Variants in HEXD observed in about 807,000 individuals in gnomAD.
HEXD encodes N-acetyl-beta-galactosaminidase.
In HEXD, 47 loss-of-function variants were observed where a neutral mutation model predicts 54.2. The observed-to-expected ratio is 0.87, with a 90% CI of 0.69 to 1.11. HEXD has a LOEUF of 1.11. Ranked by LOEUF, HEXD falls within the 50% of genes least tolerant of loss-of-function variation. HEXD has a pLI of 0.00. For missense variants in HEXD, 576 were observed against 649.2 expected, an observed-to-expected ratio of 0.89 and a Z score of 1.23; for synonymous variants, 293 against 287.6, an observed-to-expected ratio of 1.02 and a Z score of -0.19.
chr17:82,440,971 A>G, intron 9 of HEXD, 26 bp from the exon 10 acceptor site: 3 of 1,612,492 alleles, frequency 1.9e-6, no homozygotes, highest in Non-Finnish European at 2.5e-6. Flanking sequence ...GGCCCCTCCA[A>G]CCGCCCCGCT....
chr17:82,436,898 C>A, intron 7 of HEXD, 160 bp downstream of exon 7: 2 of 673,656 alleles, frequency 3.0e-6, no homozygotes, highest in Admixed American at 2.8e-5. Context: ...TGCCTCGGGA[C>A]GGCCACCGTG....
Position 82,442,112 on chromosome 17 carries a change from G to T in HEXD, c.1254-65G>T. The stretch of plus-strand genomic sequence containing the variant: ...GTGAACTGAGGCACAGGGCAGTACT[G>T]ACCATGGGGCTGAGGGCAAGTCCCA... On this transcript the variant is annotated intron_variant, in intron 12 of 12. Coordinates refer to ENST00000327949, the MANE Select transcript of HEXD (RefSeq NM_001330542.2). The surrounding 1 kb of genome is among the most constrained non-coding windows in gnomAD (Gnocchi z 6.8). 6.5e-7 allele frequency: 1 copy of T among 1,547,754 alleles called. No homozygotes were observed. Among genetic ancestry groups the T allele is most frequent in the South Asian group, 1.2e-5 (1 of 85,370 alleles).
intron 11 of HEXD, among the ~76,000 whole-genome samples, 194 bp downstream of exon 11, chr17:82,441,460 C>T (rs1008207193): frequency 3.0e-5 from 2 of 67,076 alleles, no homozygotes; most frequent in Admixed American, 1.6e-4. Flanking sequence ...CAGGTGTGAG[C>T]GTGCAGGTGT....
chr17:82,425,293 CT>C (rs963235248), intron 3 of HEXD, among the ~76,000 whole-genome samples: 1 of 146,072 alleles, frequency 6.8e-6, no homozygotes, highest in Non-Finnish European at 1.5e-5. Flanking sequence ...TTAGAGAAGG[CT>C]AGATAAGGTT....
chr17:82,441,115 C>A (rs1567898140), intron 10 of HEXD, 40 bp downstream of exon 10: 18 of 1,613,558 alleles, frequency 1.1e-5, no homozygotes, highest in Non-Finnish European at 1.4e-5. Flanking sequence ...TTCTTCCCCT[C>A]CCCTTCCCCC....
At chr17:82,428,949 A>G (rs1219363055) in intron 4 of HEXD, among the ~76,000 whole-genome samples, 1 of 152,110 alleles carries the variant, frequency 6.6e-6, no homozygotes, top group African/African-American at 2.4e-5. Flanking sequence ...AAAACACAGT[A>G]TTAGGGAAAG....
intron 6 of HEXD, 111 bp downstream of exon 6, chr17:82,435,983 GCA>G (rs2053750521): frequency 3.9e-6 from 4 of 1,023,536 alleles, no homozygotes; most frequent in Admixed American, 5.2e-5. Context: ...CCCCAGCCCC[GCA>G]CAGACCCGCC....
intron 4 of HEXD, among the ~76,000 whole-genome samples, chr17:82,430,789 A>G (rs1197903501): frequency 6.6e-6 from 1 of 151,958 alleles, no homozygotes; most frequent in African/African-American, 2.4e-5. Context: ...TCTAGATGCA[A>G]GTCCTCTGAT....
chr17:82,441,013 T>A lies in HEXD; in HGVS notation c.999T>A (p.Asp333Glu), dbSNP rs2053929758. ...QLLLRGGFDE[D>E]VKAKVENLLG... ...TGATTTCAGGAGGATTTGATGAAGA[T>A]GTTAAAGCGAAAGTGGAGAACCTTC... is the stretch of plus-strand genomic sequence containing the variant. The change falls in exon 10 of 13, where the codon GAT becomes GAA. Residue 333 changes from aspartate (D) to glutamate (E), a missense_variant. Transcript: ENST00000327949. The A allele has an allele frequency of 1.2e-6, 2 of 1,613,454 alleles. No homozygotes were observed. The highest frequency in any genetic ancestry group is 4.5e-5 in the East Asian group (2 of 44,882).
intron 3 of HEXD, chr17:82,428,252 T>G: frequency 9.2e-6 from 2 of 216,676 alleles, no homozygotes; most frequent in Admixed American, 5.5e-5. Flanking sequence ...CCCAAAGTGC[T>G]GAGATTACAG....
intron 3 of HEXD, among the ~76,000 whole-genome samples, chr17:82,424,933 G>A (rs1465151069): frequency 6.6e-6 from 1 of 151,468 alleles, no homozygotes; most frequent in Non-Finnish European, 1.5e-5. Context: ...AGAGAAGGCT[G>A]GAGAAGGCTG....
Position 82,441,845 on chromosome 17 carries a change from C to T in HEXD, c.1209C>T (p.Leu403=). ...GCCCCTACCACCGCCAGCGGAAGCT[C>T]ATCCACCCGGTCATGGTTCAGCACA... ...WFSPYHRQRK[L]IHPVMVQHIQ... is the part of the protein sequence containing the mutation. Residue 403 remains leucine (L), a synonymous_variant, in exon 12 of 13, where the codon CTC becomes CTT. Transcript: ENST00000327949. 6.2e-7 allele frequency: 1 copy of T among 1,613,268 alleles called. No individual in the cohort carries two copies. Among genetic ancestry groups the T allele is most frequent in the Non-Finnish European group, 8.5e-7 (1 of 1,180,002 alleles).
intron 3 of HEXD, 123 bp from the exon 4 acceptor site, chr17:82,428,435 A>G: frequency 2.8e-6 from 2 of 702,724 alleles, no homozygotes; most frequent in Non-Finnish European, 4.9e-6. Flanking sequence ...AGCTTTGTGG[A>G]GTTTAGGGCC....
At chr17:82,428,276 T>C in intron 3 of HEXD, 1 of 287,904 alleles carries the variant, frequency 3.5e-6, no homozygotes, top group South Asian at 4.3e-5. Context: ...TGAGCCACTG[T>C]GCCTGGCCTT....
chr17:82,424,994 G>C (rs1159554594), intron 3 of HEXD, among the ~76,000 whole-genome samples: 1 of 151,964 alleles, frequency 6.6e-6, no homozygotes, highest in East Asian at 1.9e-4. Context: ...GGCTGGGCTA[G>C]AGAAGGCCGG....
intron 8 of HEXD, 69 bp from the exon 9 acceptor site, chr17:82,439,562 A>G (rs1386250793): frequency 2.0e-6 from 3 of 1,496,946 alleles, no homozygotes; most frequent in East Asian, 4.6e-5. Flanking sequence ...GGGACGTCCG[A>G]AGTCAGGGCG....
intron 4 of HEXD, among the ~76,000 whole-genome samples, chr17:82,433,128 A>T (rs962700426): frequency 0.12 from 1,601 of 13,020 alleles, 198 homozygotes; most frequent in South Asian, 0.16. Flanking sequence ...ATATATATAT[A>T]TTTTTTTTTT....
At position 82,419,747 on chromosome 17, in the gene HEXD, A is replaced by G; in HGVS notation, c.-51-2A>G. 1 of 1,154,174 alleles carries G rather than the reference A, an allele frequency of 8.7e-7. No homozygotes were observed. The highest frequency in any genetic ancestry group is 1.8e-5 in the Admixed American group (1 of 56,548). The allele number at this position is 1,154,174 out of a possible 1,614,324, so 71.5% of individuals were successfully genotyped here. A position where few individuals can be genotyped will look rare whatever the true frequency, so the allele number is the denominator to read the frequency against. ...TTGATAACTCTTGATTTTCTCCACT[A>G]GGAAGAAGTCCCCAAGGAGACTTCG... On this transcript the variant is annotated splice_acceptor_variant, in intron 1 of 12. Transcript: ENST00000327949. LOFTEE classifies it low-confidence loss of function (5UTR_SPLICE).
chr17:82,441,634 A>G (rs1212286139), intron 11 of HEXD, among the ~76,000 whole-genome samples, 166 bp from the exon 12 acceptor site: 1 of 151,976 alleles, frequency 6.6e-6, no homozygotes, highest in Non-Finnish European at 1.5e-5. Context: ...AAGTCCCCCC[A>G]CTCCCAGGCA....
Sources: gnomAD v4.1 joint callset for allele counts (sites outside exome capture counted in the v4.1 genomes callset) on GRCh38, gnomAD v4.1.1 for gene constraint, Gnocchi (gnomAD v3.1) non-coding constraint, MANE v1.5 for transcripts, NCBI Gene and HGNC (gene_info 2026-07-23, HGNC 2026-07-21) for gene names.